BAZ1A: variants seen among roughly 807,000 people sequenced by gnomAD.
BAZ1A encodes the protein bromodomain adjacent to zinc finger domain 1A, also known as bromodomain adjacent to zinc finger domain protein 1A.
Under a neutral mutation model 185.2 loss-of-function variants are expected in BAZ1A, and 50 were observed. The ratio of observed to expected loss-of-function variants is 0.27; its 90% confidence interval spans 0.22 to 0.34. The LOEUF (loss-of-function observed/expected upper bound fraction) is 0.34, where lower values mean the gene tolerates loss of function less well. Ranked by LOEUF, BAZ1A falls within the 10% of genes least tolerant of loss-of-function variation. BAZ1A has a pLI of 1.00. For missense variants in BAZ1A, 1,356 were observed against 1,839.9 expected, an observed-to-expected ratio of 0.74 and a Z score of 4.81; for synonymous variants, 571 against 615.6, an observed-to-expected ratio of 0.93 and a Z score of 1.07.
At chr14:34,838,515 A>T (rs925378540) in intron 3 of BAZ1A, among the ~76,000 whole-genome samples, 1 of 146,714 alleles carries the variant, frequency 6.8e-6, no homozygotes, top group East Asian at 2.0e-4. Context: ...TCATGAGGGA[A>T]ACTATTTTTT....
chr14:34,776,148 G>A lies in BAZ1A; in HGVS notation c.2604C>T (p.Thr868=). 1 of 1,614,150 alleles carries A rather than the reference G, an allele frequency of 6.2e-7. No homozygotes were observed. The highest frequency in any genetic ancestry group is 1.3e-5 in the African/African-American group (1 of 75,032). Residue 868 remains threonine (T), a synonymous_variant, in exon 18 of 27, where the codon ACC becomes ACT. Transcript: ENST00000360310. The part of the protein sequence containing the change: ...KTGEPLMSES[T]SNIDQGPRDH... ...CACGTGGACCTTGGTCAATGTTGGAGGTAGATTCAGACATCAAAGGCTCTC... is the reference window on the plus strand; with the variant it reads ...CACGTGGACCTTGGTCAATGTTGGAAGTAGATTCAGACATCAAAGGCTCTC...
rs115031983 is a variant in BAZ1A at position 34,785,866 on chromosome 14, G to A, written c.1742C>T (p.Ala581Val). The change falls in exon 14 of 27, where the codon GCT becomes GTT. Residue 581 changes from alanine to valine, a missense_variant. Ala to Val is a moderately conservative substitution (Grantham distance 64). Transcript: ENST00000360310. ...YRYQKRGGFDATDDACMELRL... is the reference protein window; with the variant it reads ...YRYQKRGGFDVTDDACMELRL... The stretch of plus-strand genomic sequence containing the variant: ...AAGCTCCATACAAGCATCATCTGTA[G>A]CATCAAATCCTCCTCGTTTTTGATA... The A allele has an allele frequency of 1.9e-6, 3 of 1,614,054 alleles. No individual in the cohort carries two copies. The highest frequency in any genetic ancestry group is 4.5e-5 in the East Asian group (2 of 44,876).
In BAZ1A at chr14:34,765,152, C is replaced by T. The variant is rs1012569503; in HGVS notation, c.3418G>A (p.Val1140Met). 3.1e-6 allele frequency: 5 copies of T among 1,614,122 alleles called. No homozygotes were observed. Among genetic ancestry groups the T allele is most frequent in the Non-Finnish European group, 4.2e-6 (5 of 1,180,028 alleles). Residue 1140 changes from valine to methionine, a missense_variant, in exon 22 of 27, where the codon GTG becomes ATG. Around this residue, in one of 7 missense-constraint regions of BAZ1A, gnomAD observed 11 missense variants for 34.6 expected, o/e 0.32. Coordinates refer to ENST00000360310, the MANE Select transcript of BAZ1A (RefSeq NM_013448.3). ...FLHLSTLDRSVIWSKSILNAR... is the reference protein window; with the variant it reads ...FLHLSTLDRSMIWSKSILNAR... Reference sequence around the variant, plus strand: ...TTCAGTATAGATTTAGACCATATCACGCTACGATCCAAGGTGGATAGGTGA... The same window carrying T: ...TTCAGTATAGATTTAGACCATATCATGCTACGATCCAAGGTGGATAGGTGA...
intron 12 of BAZ1A, among the ~76,000 whole-genome samples, chr14:34,789,010 G>A (rs1880677396): frequency 6.6e-6 from 1 of 152,118 alleles, no homozygotes; most frequent in African/African-American, 2.4e-5. Flanking sequence ...GGGCCACACA[G>A]GAGAAGCTAT....
At chr14:34,822,543 G>A (rs1035928102) in intron 4 of BAZ1A, among the ~76,000 whole-genome samples, 1 of 151,986 alleles carries the variant, frequency 6.6e-6, no homozygotes, top group African/African-American at 2.4e-5. Flanking sequence ...AGCCCAGGAG[G>A]TCGAGGCTGC....
intron 2 of BAZ1A, among the ~76,000 whole-genome samples, chr14:34,866,678 G>A (rs1396243405): frequency 4.6e-5 from 7 of 151,542 alleles, no homozygotes; most frequent in East Asian, 3.9e-4. Flanking sequence ...TGATCAAATC[G>A]GGGTAACTGG....
Position 34,802,040 on chromosome 14 carries a change from C to A in BAZ1A, c.861+814G>T, listed in dbSNP as rs78824752. 2.8e-3 allele frequency among the ~76,000 whole-genome samples: 420 copies of A among 151,966 alleles called. 1 individual carries two copies. The highest frequency in any genetic ancestry group is 9.7e-3 in the African/African-American group (400 of 41,432). ...AAAAACTGGTAATATATAGAAAGAT[C>A]CTTAAAAATGCATTAGAAAAACAAA... On this transcript the variant is annotated intron_variant, in intron 7 of 26. Transcript: ENST00000360310.
chr14:34,821,398 C>T (rs768231497), intron 4 of BAZ1A, among the ~76,000 whole-genome samples: 1 of 152,136 alleles, frequency 6.6e-6, no homozygotes, highest in African/African-American at 2.4e-5. Flanking sequence ...TGAATAAATA[C>T]TTGTTCCCTT....
At chr14:34,857,810 G>A (rs1029668417) in intron 3 of BAZ1A, among the ~76,000 whole-genome samples, 5 of 152,126 alleles carry the variant, frequency 3.3e-5, no homozygotes, top group Admixed American at 3.3e-4. Context: ...TCTGTCTAGA[G>A]AGTTCTTGAC....
chr14:34,759,171 G>GTTTTTTTT (rs780287749), intron 24 of BAZ1A, among the ~76,000 whole-genome samples: 1 of 66,468 alleles, frequency 1.5e-5, no homozygotes, highest in African/African-American at 6.4e-5. Context: ...TACAGCTACA[G>GTTTTTTTT]TTTTTTTTTT....
At chr14:34,798,231 G>C (rs139561651) in intron 9 of BAZ1A, among the ~76,000 whole-genome samples, 78 of 152,382 alleles carry the variant, frequency 5.1e-4, no homozygotes, top group Admixed American at 1.2e-3. Flanking sequence ...GCTCTGAAAG[G>C]CCTGCTGCGT....
At position 34,801,128 on chromosome 14, in the gene BAZ1A, ATC is replaced by A; in HGVS notation, c.925_926del (p.Asp309Ter). The A allele has an allele frequency of 6.2e-7, 1 of 1,603,288 alleles. No individual in the cohort carries two copies. ...SYRSKATKER[D>X]KLLKQEEMKS... ...TCATTTCTTCTTGTTTCAAAAGTTT[ATC>A]TCTTTCTTTAGTAGCTTTGCTCCTA... On this transcript the variant is annotated frameshift_variant, in exon 8 of 27. Transcript: ENST00000360310. LOFTEE classifies it high-confidence loss of function.
chr14:34,770,517 T>C (rs1879141977), intron 21 of BAZ1A, among the ~76,000 whole-genome samples: 2 of 152,242 alleles, frequency 1.3e-5, no homozygotes, highest in Admixed American at 1.3e-4. Flanking sequence ...CAAAAAGATA[T>C]GGTTTAAGAA....
In BAZ1A at chr14:34,758,835, C is replaced by T. The variant is rs374981115; in HGVS notation, c.4255G>A (p.Val1419Met). The change falls in exon 25 of 27, where the codon GTG (valine) becomes ATG (methionine). Residue 1419 changes from valine (V) to methionine (M), a missense_variant. Around this residue, in one of 7 missense-constraint regions of BAZ1A, gnomAD observed 309 missense variants for 355.3 expected, o/e 0.87. Transcript: ENST00000360310. Reference sequence around the variant, plus strand: ...CCAGAACTCCTTCGACCCAGTGTCACAGGCGATGGCTCTGAGTAAATAATT... The same window carrying T: ...CCAGAACTCCTTCGACCCAGTGTCATAGGCGATGGCTCTGAGTAAATAATT... ...RKRQSPEPSPVTLGRRSSGRQ... is the reference protein window; with the variant it reads ...RKRQSPEPSPMTLGRRSSGRQ... 5.6e-6 allele frequency: 9 copies of T among 1,613,912 alleles called. No individual in the cohort carries two copies. The highest frequency in any genetic ancestry group is 7.6e-6 in the Non-Finnish European group (9 of 1,179,970).
chr14:34,764,878 C>T lies in BAZ1A; in HGVS notation c.3605G>A (p.Arg1202Lys). 1.2e-6 allele frequency: 2 copies of T among 1,614,148 alleles called. No homozygotes were observed. Among genetic ancestry groups the T allele is most frequent in the Non-Finnish European group, 1.7e-6 (2 of 1,180,026 alleles). The change falls in exon 23 of 27, where the codon AGA (arginine) becomes AAA (lysine). Residue 1202 changes from arginine to lysine, a missense_variant. Arg to Lys is a conservative substitution (Grantham distance 26, BLOSUM62 2). Coordinates refer to ENST00000360310, the MANE Select transcript of BAZ1A (RefSeq NM_013448.3). ...TGGTCTCTGTCTAGAGGAGAGTCTT[C>T]TAGAACGTTGCTTTGGTCGACATTC... ...CPECRPKQRS[R>K]RLSSRQRPSL...
intron 17 of BAZ1A, among the ~76,000 whole-genome samples, chr14:34,777,536 C>G (rs558410406): frequency 6.6e-6 from 1 of 150,914 alleles, no homozygotes; most frequent in East Asian, 2.0e-4. Context: ...CCCAGCTACT[C>G]AGGAGGCTGA....
At chr14:34,863,217 T>G (rs981006298) in intron 2 of BAZ1A, among the ~76,000 whole-genome samples, 1 of 124,748 alleles carries the variant, frequency 8.0e-6, no homozygotes, top group African/African-American at 3.0e-5. Context: ...CAGACTGGAG[T>G]GCAATGGCGC....
At position 34,783,767 on chromosome 14, in the gene BAZ1A, A is replaced by T; in HGVS notation, c.1992T>A (p.Ala664=). 1 of 1,604,086 alleles carries T rather than the reference A, an allele frequency of 6.2e-7. No homozygotes were observed. The highest frequency in any genetic ancestry group is 8.5e-7 in the Non-Finnish European group (1 of 1,177,448). Reference sequence around the variant, plus strand: ...CTATTACAATTATCTCTTACCTGGCAGCTGCTTCTTCCCTCTCTTTTCGAT... The same window carrying T: ...CTATTACAATTATCTCTTACCTGGCTGCTGCTTCTTCCCTCTCTTTTCGAT... The part of the protein sequence containing the change: ...EQHRKEREEA[A]ARIRKRKEEK... Residue 664 remains alanine (A), a synonymous_variant, in exon 15 of 27, where the codon GCT becomes GCA. Transcript: ENST00000360310.
chr14:34,758,529 G>A (rs1022658477), intron 25 of BAZ1A, 175 bp downstream of exon 25: 21 of 546,040 alleles, frequency 3.8e-5, no homozygotes, highest in Admixed American at 1.4e-4. Context: ...GCAGTGAGCC[G>A]AGATCGCGCC....
Sources: allele counts gnomAD v4.1 joint callset (sites outside exome capture counted in the v4.1 genomes callset), GRCh38; gene constraint gnomAD v4.1.1; regional missense constraint gnomAD v4.1.1; transcripts MANE v1.5; gene names NCBI Gene and HGNC (gene_info 2026-07-23, HGNC 2026-07-21).